Variants in KNDC1 observed in about 807,000 individuals in gnomAD.
KNDC1 encodes kinase non-catalytic C-lobe domain-containing protein 1.
Under a neutral mutation model 172.8 loss-of-function variants are expected in KNDC1, and 106 were observed. That is an observed-to-expected ratio of 0.61 (90% CI 0.52 to 0.72). The LOEUF (loss-of-function observed/expected upper bound fraction) is 0.72, where lower values mean the gene tolerates loss of function less well. KNDC1 is among the 30% of genes least tolerant of loss of function. KNDC1 has a pLI of 0.00. For synonymous variants in KNDC1, 1,083 were observed against 1,062.2 expected (o/e 1.02, Z -0.38); for missense variants, 2,325 against 2,394.5 (o/e 0.97, Z 0.61).
intron 21 of KNDC1, 93 bp from the exon 22 acceptor site, chr10:133,211,329 C>A: frequency 1.6e-6 from 2 of 1,242,214 alleles, no homozygotes; most frequent in Non-Finnish European, 2.2e-6. Flanking sequence ...CCTGGTCCCA[C>A]CCTGCCTCTC....
chr10:133,210,832 C>G, intron 21 of KNDC1, 108 bp downstream of exon 21: 1 of 930,906 alleles, frequency 1.1e-6, no homozygotes, highest in Non-Finnish European at 1.8e-6. Flanking sequence ...CCCTGGCGAC[C>G]CAAGGGGGTG....
At chr10:133,220,249 G>A (rs1845559200) in intron 29 of KNDC1, 137 bp downstream of exon 29, 2 of 327,602 alleles carry the variant, frequency 6.1e-6, no homozygotes, top group Non-Finnish European at 1.0e-5. Flanking sequence ...AGGTGAGGAG[G>A]GGCTCAGGCG....
At chr10:133,169,459 C>G (rs1453008585) in intron 3 of KNDC1, among the ~76,000 whole-genome samples, 2 of 152,222 alleles carry the variant, frequency 1.3e-5, no homozygotes, top group Non-Finnish European at 2.9e-5. Flanking sequence ...GACCTTGCCT[C>G]AAAAACAAGG....
chr10:133,203,366 G>A (rs1363376150), intron 17 of KNDC1, among the ~76,000 whole-genome samples: 1 of 152,208 alleles, frequency 6.6e-6, no homozygotes, highest in African/African-American at 2.4e-5. Flanking sequence ...CACAGCGTCC[G>A]GCCCATGGCC....
At chr10:133,178,516 C>T (rs572419874) in intron 3 of KNDC1, among the ~76,000 whole-genome samples, 7 of 152,204 alleles carry the variant, frequency 4.6e-5, no homozygotes, top group Admixed American at 3.3e-4. Context: ...CACAGAGCCT[C>T]GGCCACGCTC....
rs994712373 is a variant in KNDC1, at chr10:133,195,840, T to C, written c.1734+19T>C. The C allele has an allele frequency of 2.6e-6, 4 of 1,526,522 alleles. No homozygotes were observed. The highest frequency in any genetic ancestry group is 3.5e-6 in the Non-Finnish European group (4 of 1,136,332). The allele number at this position is 1,526,522 out of a possible 1,614,324, so 94.6% of individuals were successfully genotyped here. ...CATCAAGGTAACCACACCACAGTCA[T>C]GGCCCCAGCCCAGGGTCCAAGGACT... On this transcript the variant is annotated intron_variant, in intron 10 of 29. Transcript: ENST00000304613.
intron 1 of KNDC1, among the ~76,000 whole-genome samples, chr10:133,166,547 ATGTC>A (rs1240051960): frequency 1.3e-5 from 2 of 151,878 alleles, no homozygotes; most frequent in Non-Finnish European, 2.9e-5. Context: ...GTGTATGAGG[ATGTC>A]TGTTCTCATT....
Position 133,186,683 on chromosome 10 carries a change from C to T in KNDC1, c.1326+9C>T, listed in dbSNP as rs1853929772. The stretch of plus-strand genomic sequence containing the variant: ...GTGCAGCCGCGGAGCAGGTGGGTGC[C>T]TGGGTCTTGTGTGTGGGTGGAGGGG... On this transcript the variant is annotated intron_variant, in intron 6 of 29. Coordinates refer to ENST00000304613, the MANE Select transcript of KNDC1 (RefSeq NM_152643.8). 4 of 1,563,736 alleles carry T rather than the reference C, an allele frequency of 2.6e-6. No homozygotes were observed. The highest frequency in any genetic ancestry group is 2.2e-5 in the East Asian group (1 of 44,618).
intron 26 of KNDC1, among the ~76,000 whole-genome samples, chr10:133,218,065 A>C (rs1845504022): frequency 6.6e-6 from 1 of 152,002 alleles, no homozygotes; most frequent in Admixed American, 6.5e-5. Flanking sequence ...ATCTCAAAAA[A>C]AAAAAAAAAA....
chr10:133,206,314 A>G (rs1701562428), intron 17 of KNDC1, among the ~76,000 whole-genome samples: 1 of 152,226 alleles, frequency 6.6e-6, no homozygotes, highest in South Asian at 2.1e-4. Context: ...CCCGCCCACA[A>G]TGTGCACTTG....
chr10:133,190,465 C>T (rs1854048329), intron 9 of KNDC1, among the ~76,000 whole-genome samples: 1 of 152,206 alleles, frequency 6.6e-6, no homozygotes, highest in South Asian at 2.1e-4. Context: ...ACCAGGCCAC[C>T]TGCAGGGGGA....
Position 133,201,792 on chromosome 10 carries a change from G to A in KNDC1, c.3281G>A (p.Cys1094Tyr). Residue 1094 changes from cysteine (C) to tyrosine (Y), a missense_variant, in exon 17 of 30, where the codon TGC becomes TAC. Coordinates refer to ENST00000304613, the MANE Select transcript of KNDC1 (RefSeq NM_152643.8). Reference sequence around the variant, plus strand: ...TTCCAGAGCTGCAGCCCCGGCTGGTGCAGCGCCTTCTACGAGGCCGACTGC... The same window carrying A: ...TTCCAGAGCTGCAGCCCCGGCTGGTACAGCGCCTTCTACGAGGCCGACTGC... ...AGFQSCSPGW[C>Y]SAFYEADCFG... 2.0e-6 allele frequency: 3 copies of A among 1,531,344 alleles called. 1 individual carries two copies. The highest frequency in any genetic ancestry group is 2.6e-6 in the Non-Finnish European group (3 of 1,142,056). 94.9% of individuals were successfully genotyped at this position (1,531,344 alleles called of 1,614,324 possible).
intron 29 of KNDC1, among the ~76,000 whole-genome samples, chr10:133,221,730 T>C (rs978864403): frequency 6.6e-6 from 1 of 152,256 alleles, no homozygotes; most frequent in Non-Finnish European, 1.5e-5. Context: ...ATGCCATAAA[T>C]GTATGCTTAT....
chr10:133,198,682 GC>G lies in KNDC1; in HGVS notation c.2176del (p.Leu726Ter). ...CTGGAGGCCCACGCTGGGTCCCCCA[GC>G]CTGAAGACGCCTGACGGGCCGGTGC... ...LSLEAHAGSP[S>X]LKTPDGPVPG... On this transcript the variant is annotated frameshift_variant, in exon 14 of 30. Coordinates refer to ENST00000304613, the MANE Select transcript of KNDC1 (RefSeq NM_152643.8). LOFTEE classifies it high-confidence loss of function. 1 of 1,583,900 alleles carries G rather than the reference GC, an allele frequency of 6.3e-7. No individual in the cohort carries two copies. The highest frequency in any genetic ancestry group is 2.3e-5 in the East Asian group (1 of 43,662).
chr10:133,169,652 C>T (rs1030471596), intron 3 of KNDC1, among the ~76,000 whole-genome samples: 4 of 151,912 alleles, frequency 2.6e-5, no homozygotes, highest in Non-Finnish European at 4.4e-5. Context: ...GCCTGGTGGC[C>T]GTGACGCGGC....
chr10:133,197,222 C>A, intron 11 of KNDC1, 87 bp downstream of exon 11: 1 of 1,041,540 alleles, frequency 9.6e-7, no homozygotes, highest in Non-Finnish European at 1.5e-6. Flanking sequence ...TGGCCGCTCC[C>A]GGCAGCCCCA....
At chr10:133,177,054 G>C (rs1052144797) in intron 3 of KNDC1, among the ~76,000 whole-genome samples, 2 of 152,170 alleles carry the variant, frequency 1.3e-5, no homozygotes, top group Admixed American at 1.3e-4. Flanking sequence ...AGATCACCCA[G>C]CTGTGCACCA....
rs558321508 is a variant in KNDC1, at chr10:133,221,487, A to T, written c.5018+1375A>T. Among the ~76,000 whole-genome samples the T allele has an allele frequency of 3.3e-5, 5 of 151,496 alleles. No homozygotes were observed. In the South Asian group the frequency reaches 8.4e-4, roughly 25 times the overall value. On this transcript the variant is annotated intron_variant, in intron 29 of 29. Transcript: ENST00000304613. ...TGCCCACAGCCCCAAGCTCGGCCTC[A>T]CTCTCTCCCTCAAGACACAATCTCC...
intron 10 of KNDC1, among the ~76,000 whole-genome samples, chr10:133,196,689 TCC>T (rs1350216521): frequency 3.9e-5 from 6 of 152,108 alleles, no homozygotes; most frequent in Non-Finnish European, 5.9e-5. Flanking sequence ...TGAGCTCAGT[TCC>T]CATGTGCACA....
Sources: gnomAD v4.1 joint callset for allele counts (sites outside exome capture counted in the v4.1 genomes callset) on GRCh38, gnomAD v4.1.1 for gene constraint, MANE v1.5 for transcripts, NCBI Gene and HGNC (gene_info 2026-07-23, HGNC 2026-07-21) for gene names.